Variants in P4HA3 observed in about 807,000 individuals in gnomAD.
The protein encoded by P4HA3 is prolyl 4-hydroxylase subunit alpha-3.
P4HA3 carries 60 observed loss-of-function variants against 66.7 expected under a neutral mutation model. That is an observed-to-expected ratio of 0.90 (90% CI 0.73 to 1.12). The LOEUF is 1.12. Ranked by LOEUF, P4HA3 falls within the 50% of genes most tolerant of loss-of-function variation. The pLI, the probability that P4HA3 is intolerant of heterozygous loss-of-function variation, is 0.00. For synonymous variants in P4HA3, 263 were observed against 274.6 expected (o/e 0.96, Z 0.42); for missense variants, 683 against 685.8 (o/e 1.00, Z 0.05).
chr11:74,298,346 C>T lies in P4HA3; in HGVS notation c.583G>A (p.Gly195Arg). The change falls in exon 4 of 13, where the codon GGG becomes AGG. Residue 195 changes from glycine to arginine, a missense_variant. Transcript: ENST00000331597. ...CATGGAATGGCATGGTAATAATCCC[C>T]CATGTCATAGGCCACCTACACAGAA... Reference protein sequence around the residue: ...FQVGKVAYDMGDYYHAIPWLE... With the variant: ...FQVGKVAYDMRDYYHAIPWLE... 1 of 1,613,762 alleles carries T rather than the reference C, an allele frequency of 6.2e-7. No homozygotes were observed. The highest frequency in any genetic ancestry group is 8.5e-7 in the Non-Finnish European group (1 of 1,179,916).
At position 74,277,021 on chromosome 11, in the gene P4HA3, G is replaced by C; in HGVS notation, c.1299C>G (p.Ile433Met). ...AEYLQVVNYG[I>M]GGHYEPHFDH... Reference sequence around the variant, plus strand: ...CAAAGTGAGGCTCATAGTGTCCTCCGATGCCATAGTTCACCACCTGCAGAT... The same window carrying C: ...CAAAGTGAGGCTCATAGTGTCCTCCCATGCCATAGTTCACCACCTGCAGAT... Residue 433 changes from isoleucine (I) to methionine (M), a missense_variant, in exon 9 of 13, where the codon ATC (isoleucine) becomes ATG (methionine). Ile to Met is a conservative substitution (Grantham distance 10, BLOSUM62 1). Coordinates refer to ENST00000331597, the MANE Select transcript of P4HA3 (RefSeq NM_182904.5). The C allele has an allele frequency of 6.2e-7, 1 of 1,613,936 alleles. No individual in the cohort carries two copies. The highest frequency in any genetic ancestry group is 8.5e-7 in the Non-Finnish European group (1 of 1,179,958).
At chr11:74,291,031 TG>T (rs1359638865) in intron 4 of P4HA3, among the ~76,000 whole-genome samples, 5 of 152,244 alleles carry the variant, frequency 3.3e-5, no homozygotes, top group Non-Finnish European at 7.3e-5. Flanking sequence ...TAAATTACTT[TG>T]GGCAGTATGG....
chr11:74,256,534 A>G (rs2135692643), intron 15 of P4HA3, among the ~76,000 whole-genome samples: 1 of 152,306 alleles, frequency 6.6e-6, no homozygotes, highest in South Asian at 2.1e-4. Context: ...ACCCCAGAAG[A>G]GAAGGGACCA....
At chr11:74,251,524 C>T in intron 15 of P4HA3, 40 of 1,479,568 alleles carry the variant, frequency 2.7e-5, no homozygotes, top group Non-Finnish European at 3.6e-5. Flanking sequence ...TAATTTCAAG[C>T]CACTCAGACC....
intron 7 of P4HA3, among the ~76,000 whole-genome samples, chr11:74,280,699 C>A (rs1455299080): frequency 6.6e-6 from 1 of 152,152 alleles, no homozygotes; most frequent in East Asian, 1.9e-4. Context: ...TAGGGCACTG[C>A]CCTTAAAGGT....
chr11:74,251,544 G>C, intron 15 of P4HA3: 2 of 1,524,718 alleles, frequency 1.3e-6, no homozygotes, highest in Non-Finnish European at 8.8e-7. Context: ...CTGTGGGTGG[G>C]ATGAGGGCAC....
chr11:74,268,180 T>A lies in P4HA3; in HGVS notation c.1529A>T (p.His510Leu). ...TCCCACCAGGACAGGACAGCCAGCA[T>A]GAAGTGTGTCACTGTCCCCTTCACC... is the stretch of plus-strand genomic sequence containing the variant. ...RSGEGDSDTL[H>L]AGCPVLVGDK... Residue 510 changes from histidine to leucine, a missense_variant, in exon 12 of 13, where the codon CAT (histidine) becomes CTT (leucine). His to Leu is a moderately conservative substitution (Grantham distance 99). Transcript: ENST00000331597. 6.2e-7 allele frequency: 1 copy of A among 1,614,084 alleles called. No homozygotes were observed. Among genetic ancestry groups the A allele is most frequent in the Non-Finnish European group, 8.5e-7 (1 of 1,179,966 alleles).
At chr11:74,289,895 T>A (rs1229720110) in intron 4 of P4HA3, among the ~76,000 whole-genome samples, 1 of 152,106 alleles carries the variant, frequency 6.6e-6, no homozygotes, top group African/African-American at 2.4e-5. Flanking sequence ...ATAGTGCTGC[T>A]ATAAACATAC....
intron 15 of P4HA3, among the ~76,000 whole-genome samples, chr11:74,255,293 T>A (rs893087218): frequency 9.8e-5 from 15 of 152,294 alleles, no homozygotes; most frequent in African/African-American, 3.6e-4. Flanking sequence ...ATCCTGTTCA[T>A]CCTCTTTTCC....
At chr11:74,295,840 C>G (rs950430994) in intron 4 of P4HA3, among the ~76,000 whole-genome samples, 3 of 152,190 alleles carry the variant, frequency 2.0e-5, no homozygotes, top group Admixed American at 6.5e-5. Context: ...ACAAGGAATA[C>G]TTGAGTAATC....
At chr11:74,270,644 C>T (rs78404984) in intron 10 of P4HA3, among the ~76,000 whole-genome samples, 2,037 of 152,216 alleles carry the variant, frequency 0.013, 47 homozygotes, top group African/African-American at 0.044. Context: ...CTAGGAGTTA[C>T]AATCGTTATT....
rs531565381 is a variant in P4HA3, at chr11:74,310,922, G to GT, written c.200+489dup. 4.6e-5 allele frequency among the ~76,000 whole-genome samples: 7 copies of GT among 152,268 alleles called. No individual in the cohort carries two copies. The East Asian group carries it at 1.4e-3, about 29-fold the overall frequency. On this transcript the variant is annotated intron_variant, in intron 1 of 12. Coordinates refer to ENST00000331597, the MANE Select transcript of P4HA3 (RefSeq NM_182904.5). ...AGGTCAATACTTGCGTAGCTAAAGC[G>GT]TCACCGTATTCTCTCCATGTCACTC...
chr11:74,263,386 C>G (rs1859940101), downstream of P4HA3, among the ~76,000 whole-genome samples: 2 of 152,096 alleles, frequency 1.3e-5, 1 homozygote, highest in South Asian at 4.1e-4. Flanking sequence ...ATGTTGGAGA[C>G]CCCCCCTGCC....
chr11:74,254,920 C>T (rs1859795495), intron 15 of P4HA3, among the ~76,000 whole-genome samples: 1 of 152,200 alleles, frequency 6.6e-6, no homozygotes, highest in South Asian at 2.1e-4. Flanking sequence ...CCCATCTCTC[C>T]TAATTATCGG....
intron 15 of P4HA3, chr11:74,252,391 C>T: frequency 2.2e-6 from 1 of 453,896 alleles, no homozygotes; most frequent in South Asian, 1.6e-5. Flanking sequence ...GCCACCGCGC[C>T]TGGCCTAGAG....
At chr11:74,285,529 C>T (rs1860760726) in intron 7 of P4HA3, 1 of 308,194 alleles carries the variant, frequency 3.2e-6, no homozygotes, top group Non-Finnish European at 6.1e-6. Flanking sequence ...TTGACAAATG[C>T]ATACAGCCAC....
intron 15 of P4HA3, among the ~76,000 whole-genome samples, chr11:74,257,150 C>T (rs1859843790): frequency 1.3e-5 from 2 of 151,994 alleles, no homozygotes; most frequent in African/African-American, 4.8e-5. Flanking sequence ...TTTTTTTAGA[C>T]AGTCTCCTCT....
chr11:74,253,542 G>A (rs755387167), intron 15 of P4HA3: 1 of 1,590,458 alleles, frequency 6.3e-7, no homozygotes, highest in South Asian at 1.1e-5. Context: ...TCAACATCGA[G>A]CTCTGTTGTA....
chr11:74,265,459 G>A (rs1479176213), downstream of P4HA3, among the ~76,000 whole-genome samples: 1 of 152,166 alleles, frequency 6.6e-6, no homozygotes, highest in Non-Finnish European at 1.5e-5. Context: ...GAGACAGCAG[G>A]CATCCAACCA....
Sources: allele counts gnomAD v4.1 joint callset (sites outside exome capture counted in the v4.1 genomes callset), GRCh38; gene constraint gnomAD v4.1.1; transcripts MANE v1.5; gene names NCBI Gene and HGNC (gene_info 2026-07-23, HGNC 2026-07-21).